Variants in KDM6A observed in about 807,000 individuals in gnomAD.
The protein encoded by KDM6A is lysine demethylase 6A.
Under a neutral mutation model 117.6 loss-of-function variants are expected in KDM6A, and 11 were observed. The observed-to-expected ratio is 0.09, with a 90% CI of 0.06 to 0.15. KDM6A has a LOEUF of 0.15. Among genes scored for constraint, KDM6A ranks in the 10% least tolerant of loss-of-function variants. KDM6A has a pLI of 1.00. For missense variants in KDM6A, 799 were observed against 1,077.3 expected (o/e 0.74, Z 3.62); for synonymous variants, 384 against 396.1 (o/e 0.97, Z 0.36).
chrX:45,010,324 A>G (rs900209852), intron 4 of KDM6A, among the ~76,000 whole-genome samples: 1 of 104,397 alleles, frequency 9.6e-6, no homozygotes, highest in Non-Finnish European at 2.0e-5. Context: ...TTGTCTCTTT[A>G]AAAAAAAAAG....
chrX:45,036,578 T>C (rs1390464666), intron 7 of KDM6A, among the ~76,000 whole-genome samples: 1 of 112,158 alleles, frequency 8.9e-6, no homozygotes, highest in Non-Finnish European at 1.9e-5. Context: ...TTTGAAAAAA[T>C]TGACTCATTG....
chrX:45,101,612 G>A (rs1433165528), intron 27 of KDM6A, among the ~76,000 whole-genome samples: 1 of 110,484 alleles, frequency 9.1e-6, no homozygotes, highest in Non-Finnish European at 1.9e-5. Context: ...CCATAACAAA[G>A]AATTACCATA....
At chrX:44,967,892 T>C (rs777493812) in intron 3 of KDM6A, among the ~76,000 whole-genome samples, 1 of 112,692 alleles carries the variant, frequency 8.9e-6, no homozygotes, top group African/African-American at 3.2e-5. Flanking sequence ...TTTAAAAAAA[T>C]GTCATGTCAC....
chrX:45,020,765 A>C, intron 6 of KDM6A, 35 bp downstream of exon 6: 1 of 1,196,250 alleles, frequency 8.4e-7, no homozygotes, highest in Non-Finnish European at 1.1e-6. Context: ...TACAATGTTT[A>C]ATTTTGTGGT....
At chrX:44,979,291 TTC>T (rs894563454) in intron 4 of KDM6A, among the ~76,000 whole-genome samples, 4 of 111,243 alleles carry the variant, frequency 3.6e-5, no homozygotes, top group Non-Finnish European at 7.6e-5. Context: ...CTTGTTTTCT[TTC>T]TTTCTTTCCT....
rs2147170998 is a variant in KDM6A, at chrX:44,961,409, T to A, written c.334+17T>A. The A allele has an allele frequency of 9.9e-7, 1 of 1,006,605 alleles. No individual in the cohort carries two copies. The highest frequency in any genetic ancestry group is 3.1e-5 in the East Asian group (1 of 32,697). The allele number at this position is 1,006,605 out of a possible 1,213,427, so 83.0% of individuals were successfully genotyped here. A position where few individuals can be genotyped will look rare whatever the true frequency, so the allele number is the denominator to read the frequency against. On this transcript the variant is annotated intron_variant, in intron 3 of 29. Transcript: ENST00000611820. Reference sequence around the variant, plus strand: ...ATCCAAAAGGTAATTTTTTTCTTGTTCATTATTGTTTGATTTATACATGTG... The same window carrying A: ...ATCCAAAAGGTAATTTTTTTCTTGTACATTATTGTTTGATTTATACATGTG...
At position 44,900,814 on chromosome X, in the gene KDM6A, C is replaced by T. The variant is rs1375691714; in HGVS notation, c.225+26827C>T. Among the ~76,000 whole-genome samples the T allele has an allele frequency of 5.4e-5, 6 of 110,990 alleles. 1 individual carries two copies. The highest frequency in any genetic ancestry group is 9.5e-5 in the Non-Finnish European group (5 of 52,901). ...CGGGCGGCTGAGGCAGGAGAATCACCGGAACCTGGGAGGTGGAGATCGTGT... is the reference window on the plus strand; with the variant it reads ...CGGGCGGCTGAGGCAGGAGAATCACTGGAACCTGGGAGGTGGAGATCGTGT... On this transcript the variant is annotated intron_variant, in intron 2 of 29. Transcript: ENST00000611820.
In KDM6A at chrX:44,873,908, GTGTC is replaced by G; in HGVS notation, c.162-10_162-7del. ...TTCCCTGAGCGTTAACGAGTAAACT[GTGTC>G]TGTCTCCACAGCCGCCTCTTTGGGT... is the stretch of plus-strand genomic sequence containing the variant. On this transcript the variant is annotated splice_polypyrimidine_tract_variant and intron_variant, in intron 1 of 29. Transcript: ENST00000611820. 2.5e-6 allele frequency: 3 copies of G among 1,208,821 alleles called. No individual in the cohort carries two copies. The highest frequency in any genetic ancestry group is 3.5e-5 in the South Asian group (2 of 56,856).
chrX:45,109,137 A>ATAAT (rs1491518887), intron 28 of KDM6A, among the ~76,000 whole-genome samples: 2 of 101,911 alleles, frequency 2.0e-5, no homozygotes, highest in African/African-American at 7.1e-5. Context: ...AATAATAATA[A>ATAAT]TAATAAATAA....
At chrX:44,909,509 A>C (rs1437742073) in intron 2 of KDM6A, among the ~76,000 whole-genome samples, 1 of 110,844 alleles carries the variant, frequency 9.0e-6, no homozygotes, top group South Asian at 3.8e-4. Context: ...TATTTTGATC[A>C]TGTCTTCTAT....
At chrX:44,993,659 A>G (rs2040729030) in intron 4 of KDM6A, among the ~76,000 whole-genome samples, 2 of 111,577 alleles carry the variant, frequency 1.8e-5, no homozygotes, top group African/African-American at 6.5e-5. Context: ...CGAGGTCAAG[A>G]GATCGAGACC....
chrX:44,901,355 C>CAA lies in KDM6A; in HGVS notation c.225+27374_225+27375dup, dbSNP rs756160982. Among the ~76,000 whole-genome samples, 193 of 109,508 alleles carry CAA rather than the reference C, an allele frequency of 1.8e-3. 1 individual carries two copies. The highest frequency in any genetic ancestry group is 5.8e-3 in the African/African-American group (174 of 29,794). The stretch of plus-strand genomic sequence containing the variant: ...GAGGTGACAGAGTGAGACTCCATCT[C>CAA]AAAAAAATATATATATATATATACG... On this transcript the variant is annotated intron_variant, in intron 2 of 29. Transcript: ENST00000611820.
In KDM6A at chrX:44,891,115, C is replaced by T. The variant is rs754401578; in HGVS notation, c.225+17128C>T. On this transcript the variant is annotated intron_variant, in intron 2 of 29. Transcript: ENST00000611820. The stretch of plus-strand genomic sequence containing the variant: ...TTAGGTACGTGGTTGGATTTTCTCC[C>T]GCTCGCTCTATAACTTTGAATGATT... Among the ~76,000 whole-genome samples the T allele has an allele frequency of 4.0e-3, 441 of 109,968 alleles. 7 individuals are homozygous for T. Among genetic ancestry groups the T allele is most frequent in the African/African-American group, 0.014 (421 of 30,160 alleles).
intron 9 of KDM6A, among the ~76,000 whole-genome samples, chrX:45,052,925 C>T (rs2043921448): frequency 9.0e-6 from 1 of 110,970 alleles, no homozygotes; most frequent in Admixed American, 9.6e-5. Context: ...AAACTCCTGG[C>T]ATCAAGCGAT....
intron 3 of KDM6A, among the ~76,000 whole-genome samples, chrX:44,964,217 C>T (rs772025003): frequency 9.3e-6 from 1 of 107,868 alleles, no homozygotes; most frequent in East Asian, 3.0e-4. Flanking sequence ...TGGGAGGCCT[C>T]GGTAGGTGGA....
intron 3 of KDM6A, among the ~76,000 whole-genome samples, chrX:44,963,499 C>CTGTCTGTCTCTG (rs796328734): frequency 0.12 from 9,323 of 80,773 alleles, 594 homozygotes; most frequent in Non-Finnish European, 0.14. Context: ...GTCTGTCTGT[C>CTGTCTGTCTCTG]TCTGTCTGTC....
intron 17 of KDM6A, among the ~76,000 whole-genome samples, chrX:45,065,306 TGAGAA>T (rs1385816347): frequency 1.8e-5 from 2 of 109,668 alleles, no homozygotes; most frequent in East Asian, 5.8e-4. Flanking sequence ...AGGCAAGGAG[TGAGAA>T]GAGAGAGAAA....
At chrX:44,980,515 C>G (rs184867320) in intron 4 of KDM6A, among the ~76,000 whole-genome samples, 14 of 108,848 alleles carry the variant, frequency 1.3e-4, no homozygotes, top group Non-Finnish European at 2.5e-4. Context: ...CTTTAAGACT[C>G]TACAGCAATA....
intron 2 of KDM6A, among the ~76,000 whole-genome samples, chrX:44,930,938 A>G (rs1349875875): frequency 8.9e-6 from 1 of 111,824 alleles, no homozygotes; most frequent in Non-Finnish European, 1.9e-5. Flanking sequence ...TTCTTATCTG[A>G]GGACCATCCC....
Sources: gnomAD v4.1 joint callset for allele counts (sites outside exome capture counted in the v4.1 genomes callset) on GRCh38, gnomAD v4.1.1 for gene constraint, MANE v1.5 for transcripts, NCBI Gene and HGNC (gene_info 2026-07-23, HGNC 2026-07-21) for gene names.